The following BBS9 variants were observed in gnomAD, a reference collection of about 807,000 sequenced individuals.
The protein encoded by BBS9 is protein PTHB1.
In BBS9, 89 loss-of-function variants were observed where a neutral mutation model predicts 117.7. That is an observed-to-expected ratio of 0.76 (90% CI 0.64 to 0.90). The LOEUF (loss-of-function observed/expected upper bound fraction) is 0.90. Ranked by LOEUF, BBS9 falls within the 40% of genes least tolerant of loss-of-function variation. The pLI is 0.00. For synonymous variants in BBS9, 379 were observed against 370.9 expected (o/e 1.02, Z -0.25); for missense variants, 982 against 1,042.2 (o/e 0.94, Z 0.80).
chr7:33,312,437 G>T (rs1355644937), intron 9 of BBS9, among the ~76,000 whole-genome samples: 3 of 152,118 alleles, frequency 2.0e-5, no homozygotes, highest in Admixed American at 2.0e-4. Context: ...ATTGAATGAG[G>T]GAATGGGAGG....
chr7:33,439,940 G>T (rs1835913909), intron 19 of BBS9, among the ~76,000 whole-genome samples: 1 of 152,232 alleles, frequency 6.6e-6, no homozygotes. Flanking sequence ...GGCAAGGCAA[G>T]TGAGTCAACC....
chr7:33,247,415 A>G (rs906655786), intron 5 of BBS9, among the ~76,000 whole-genome samples: 2 of 152,044 alleles, frequency 1.3e-5, no homozygotes, highest in Non-Finnish European at 2.9e-5. Context: ...GTTCTGATGA[A>G]CATGTCATCT....
intron 16 of BBS9, among the ~76,000 whole-genome samples, chr7:33,367,108 A>G (rs1821924015): frequency 6.6e-6 from 1 of 152,158 alleles, no homozygotes; most frequent in Non-Finnish European, 1.5e-5. Flanking sequence ...TTTTAGCTGG[A>G]TTATTTCTAC....
At chr7:33,467,567 A>ACCCCCCC (rs1563215445) in intron 19 of BBS9, among the ~76,000 whole-genome samples, 29 of 59,424 alleles carry the variant, frequency 4.9e-4, no homozygotes, top group African/African-American at 9.2e-4. Flanking sequence ...GAACCCCCCA[A>ACCCCCCC]CTCCGCCACC....
intron 21 of BBS9, among the ~76,000 whole-genome samples, chr7:33,579,621 G>A (rs116309198): frequency 0.013 from 1,966 of 152,144 alleles, 34 homozygotes; most frequent in African/African-American, 0.045. Context: ...TAAATTATAA[G>A]ATGACCTGGA....
Position 33,233,842 on chromosome 7 carries a change from C to T in BBS9, c.443-23394C>T, listed in dbSNP as rs143161210. 2.9e-3 allele frequency among the ~76,000 whole-genome samples: 444 copies of T among 152,244 alleles called. 3 individuals carry two copies. Among genetic ancestry groups the T allele is most frequent in the African/African-American group, 0.01 (416 of 41,548 alleles). ...ACTGGGACTGTGCCAGGTGCCAGCA[C>T]GTGCTTCTATTTACAGTAGTCCCCT... On this transcript the variant is annotated intron_variant, in intron 5 of 22. Coordinates refer to ENST00000242067, the MANE Select transcript of BBS9 (RefSeq NM_198428.3).
intron 19 of BBS9, among the ~76,000 whole-genome samples, chr7:33,419,989 A>T (rs2128852177): frequency 6.6e-6 from 1 of 152,276 alleles, no homozygotes; most frequent in East Asian, 1.9e-4. Flanking sequence ...AATTTGAAGA[A>T]GTTTTGGAAA....
chr7:33,630,402 G>A (rs1261529907), intron 21 of BBS9, among the ~76,000 whole-genome samples: 5 of 151,830 alleles, frequency 3.3e-5, no homozygotes, highest in Non-Finnish European at 7.4e-5. Context: ...TTTTTTTGGA[G>A]TAAAAAATTA....
At chr7:33,235,532 A>G (rs1423395098) in intron 5 of BBS9, among the ~76,000 whole-genome samples, 3 of 152,186 alleles carry the variant, frequency 2.0e-5, no homozygotes, top group Admixed American at 2.0e-4. Context: ...TCATCATGTT[A>G]GTAGTTTTGT....
chr7:33,182,420 C>T (rs1291707007), intron 5 of BBS9, among the ~76,000 whole-genome samples: 4 of 152,128 alleles, frequency 2.6e-5, no homozygotes, highest in Non-Finnish European at 5.9e-5. Flanking sequence ...CCACATGTCC[C>T]CAGGCCTTAC....
rs7810824 is a variant in BBS9 at position 33,467,857 on chromosome 7, G to T, written c.2116-37606G>T. ...AAAATGTGACACTTTTTGTTCATGT[G>T]GGGGAGGAAGCAAGTGATAAGAGAA... On this transcript the variant is annotated intron_variant, in intron 19 of 22. Coordinates refer to ENST00000242067, the MANE Select transcript of BBS9 (RefSeq NM_198428.3). Among the ~76,000 whole-genome samples, 312 of 152,220 alleles carry T rather than the reference G, an allele frequency of 2.0e-3. 3 individuals carry two copies. Among genetic ancestry groups the T allele is most frequent in the African/African-American group, 7.3e-3 (303 of 41,544 alleles).
At chr7:33,598,591 G>A (rs1229228557) in intron 21 of BBS9, among the ~76,000 whole-genome samples, 1 of 152,196 alleles carries the variant, frequency 6.6e-6, no homozygotes, top group Non-Finnish European at 1.5e-5. Flanking sequence ...AAGCTATGCA[G>A]AGGATATATA....
At chr7:33,136,430 G>C (rs574745358) in intron 1 of BBS9, among the ~76,000 whole-genome samples, 9 of 152,152 alleles carry the variant, frequency 5.9e-5, no homozygotes, top group African/African-American at 2.2e-4. Flanking sequence ...TCCTTGTCTT[G>C]TGCCTGATCT....
chr7:33,605,547 C>A lies in BBS9; in HGVS notation c.*321C>A. 1 of 352,462 alleles carries A rather than the reference C, an allele frequency of 2.8e-6. No individual in the cohort carries two copies. The highest frequency in any genetic ancestry group is 5.3e-6 in the Non-Finnish European group (1 of 190,324). The allele number at this position is 352,462 out of a possible 1,614,324, so 21.8% of individuals were successfully genotyped here. A position where few individuals can be genotyped will look rare whatever the true frequency, so the allele number is the denominator to read the frequency against. ...GATTTTATAATGCAAAGATTCAGAT[C>A]CAAAATAATTTCATACCCCATTTTT... On this transcript the variant is annotated 3_prime_UTR_variant, in exon 23 of 23. Transcript: ENST00000242067.
rs531944340 is a variant in BBS9, at chr7:33,433,430, C to G, written c.2115+45286C>G. ...TGCAATAATTTTCCCATACCGTGAT[C>G]CAGCAGAGATATCAGATAGATTTCT... On this transcript the variant is annotated intron_variant, in intron 19 of 22. Transcript: ENST00000242067. Among the ~76,000 whole-genome samples the G allele has an allele frequency of 2.6e-5, 4 of 152,322 alleles. No homozygotes were observed. The South Asian group carries it at 6.2e-4, about 24-fold the overall frequency.
intron 20 of BBS9, among the ~76,000 whole-genome samples, chr7:33,527,892 A>G (rs1239438759): frequency 6.6e-6 from 1 of 152,220 alleles, no homozygotes; most frequent in African/African-American, 2.4e-5. Flanking sequence ...CTGAACCTAG[A>G]TGTTTCCTGA....
Position 33,251,853 on chromosome 7 carries a change from G to A in BBS9, c.443-5383G>A, listed in dbSNP as rs1796268432. On this transcript the variant is annotated intron_variant, in intron 5 of 22. Transcript: ENST00000242067. ...ATTTGGCTTTAGAGGCAGCCACTTG[G>A]ACTTGAATATATTAAGTGTTCTCCT... Among the ~76,000 whole-genome samples, 5 of 152,296 alleles carry A rather than the reference G, an allele frequency of 3.3e-5. No homozygotes were observed. In the South Asian group the frequency reaches 1.0e-3, roughly 32 times the overall value.
At chr7:33,530,605 T>G (rs1218398960) in intron 20 of BBS9, among the ~76,000 whole-genome samples, 1 of 152,242 alleles carries the variant, frequency 6.6e-6, no homozygotes, top group Non-Finnish European at 1.5e-5. Context: ...TTGTCTTCAT[T>G]TATCTCTTCC....
intron 6 of BBS9, 53 bp downstream of exon 6, chr7:33,257,463 C>A: frequency 6.4e-7 from 1 of 1,556,812 alleles, no homozygotes; most frequent in Non-Finnish European, 8.9e-7. Context: ...GCGTTTGTTG[C>A]TGACTAATTT....
Sources: gnomAD v4.1 joint callset for allele counts (sites outside exome capture counted in the v4.1 genomes callset) on GRCh38, gnomAD v4.1.1 for gene constraint, MANE v1.5 for transcripts, NCBI Gene and HGNC (gene_info 2026-07-23, HGNC 2026-07-21) for gene names.